LIN28B: variants seen among roughly 807,000 people sequenced by gnomAD.
The protein encoded by LIN28B is protein lin-28 homolog B.
In LIN28B, 5 loss-of-function variants were observed where a neutral mutation model predicts 21.9. The observed-to-expected ratio is 0.23, with a 90% CI of 0.12 to 0.48. The LOEUF (loss-of-function observed/expected upper bound fraction) is 0.48, where lower values mean the gene tolerates loss of function less well. LIN28B is among the 20% of genes least tolerant of loss of function. LIN28B has a pLI of 0.98. For synonymous variants in LIN28B, 109 were observed against 111.3 expected (o/e 0.98, Z 0.13); for missense variants, 245 against 310.5 (o/e 0.79, Z 1.58).
chr6:104,962,820 C>A (rs1769774693), intron 2 of LIN28B, among the ~76,000 whole-genome samples: 1 of 151,932 alleles, frequency 6.6e-6, no homozygotes, highest in Non-Finnish European at 1.5e-5. Flanking sequence ...TATTGTTATT[C>A]TCTGGGCTGC....
upstream of LIN28B, chr6:104,957,106 T>A: frequency 6.4e-7 from 1 of 1,561,954 alleles, no homozygotes. Context: ...GAGAAAAAAA[T>A]CAAAAGAAGG....
At chr6:105,071,164 C>T (rs943145611) in intron 3 of LIN28B, among the ~76,000 whole-genome samples, 13 of 152,088 alleles carry the variant, frequency 8.5e-5, no homozygotes, top group African/African-American at 2.9e-4. Flanking sequence ...AGGCATGAGC[C>T]ACTGCACCCG....
chr6:104,959,186 T>C (rs1378645269), intron 2 of LIN28B, among the ~76,000 whole-genome samples: 2 of 152,202 alleles, frequency 1.3e-5, no homozygotes, highest in African/African-American at 4.8e-5. Flanking sequence ...AAAGATACTT[T>C]TATGGAAGCC....
chr6:105,032,390 G>A (rs1404318737), intron 3 of LIN28B, among the ~76,000 whole-genome samples: 12 of 152,180 alleles, frequency 7.9e-5, no homozygotes, highest in East Asian at 1.9e-4. Context: ...GTGAGAGTTC[G>A]AACTGCCACC....
Position 105,029,886 on chromosome 6 carries a change from A to G in LIN28B, c.383+3404A>G, listed in dbSNP as rs377512557. On this transcript the variant is annotated intron_variant, in intron 3 of 3. Coordinates refer to ENST00000345080, the MANE Select transcript of LIN28B (RefSeq NM_001004317.4). ...ATGGATGATAGAATATAAACTGTAT[A>G]AAGAGTGAAGACATTGAAAAGGTGG... Among the ~76,000 whole-genome samples, 15 of 152,294 alleles carry G rather than the reference A, an allele frequency of 9.8e-5. No homozygotes were observed. In the East Asian group the frequency reaches 2.1e-3, roughly 22 times the overall value.
At chr6:104,982,069 CTT>C (rs1426358145) in intron 2 of LIN28B, among the ~76,000 whole-genome samples, 1 of 152,082 alleles carries the variant, frequency 6.6e-6, no homozygotes, top group African/African-American at 2.4e-5. Flanking sequence ...AATCCCAACA[CTT>C]TGGGAGGCTG....
At chr6:104,970,992 T>C (rs1352898253) in intron 2 of LIN28B, among the ~76,000 whole-genome samples, 1 of 152,184 alleles carries the variant, frequency 6.6e-6, no homozygotes, top group Non-Finnish European at 1.5e-5. Flanking sequence ...CTCTAGTTTA[T>C]TGTGAACCAT....
At chr6:105,045,848 G>A (rs894983281) in intron 3 of LIN28B, among the ~76,000 whole-genome samples, 3 of 152,032 alleles carry the variant, frequency 2.0e-5, no homozygotes, top group Non-Finnish European at 4.4e-5. Context: ...TCAGAACTGT[G>A]AACTTTACCA....
At chr6:104,956,273 G>A (rs1457296715), upstream of LIN28B, among the ~76,000 whole-genome samples, 4 of 152,070 alleles carry the variant, frequency 2.6e-5, no homozygotes, top group African/African-American at 9.6e-5. Flanking sequence ...AGCTCTTGGG[G>A]AACAATCGCC....
Position 104,957,568 on chromosome 6 carries a change from C to T in LIN28B, c.10+308C>T, listed in dbSNP as rs557908719. 1.4e-4 allele frequency among the ~76,000 whole-genome samples: 22 copies of T among 152,148 alleles called. No individual in the cohort carries two copies. The South Asian group carries it at 1.5e-3, about 10-fold the overall frequency. ...TTCCAAGAAAACTTTTATACACCTG[C>T]CCCCTCCCCCATTCCACCCCAACTT... On this transcript the variant is annotated intron_variant, in intron 1 of 3. Transcript: ENST00000345080.
chr6:104,988,900 T>G (rs1317821643), intron 2 of LIN28B, among the ~76,000 whole-genome samples: 1 of 152,112 alleles, frequency 6.6e-6, no homozygotes, highest in Non-Finnish European at 1.5e-5. Flanking sequence ...TTTCTTTTCT[T>G]CCCATGTCAA....
At chr6:105,070,108 C>T (rs529925689) in intron 3 of LIN28B, among the ~76,000 whole-genome samples, 22 of 152,194 alleles carry the variant, frequency 1.4e-4, no homozygotes, top group African/African-American at 4.3e-4. Flanking sequence ...ATTGTCAGTG[C>T]GACACTTGAG....
intron 3 of LIN28B, among the ~76,000 whole-genome samples, chr6:105,043,537 A>T (rs1482365717): frequency 6.7e-6 from 1 of 150,302 alleles, no homozygotes; most frequent in East Asian, 1.9e-4. Flanking sequence ...AAGATTGATA[A>T]TTTTTAACCA....
At chr6:105,018,329 G>A (rs1371953592) in intron 2 of LIN28B, among the ~76,000 whole-genome samples, 3 of 152,000 alleles carry the variant, frequency 2.0e-5, no homozygotes, top group Non-Finnish European at 4.4e-5. Context: ...ACTCTAGCTT[G>A]CATTTTACAA....
chr6:104,972,811 A>G lies in LIN28B; in HGVS notation c.198+14525A>G, dbSNP rs891477788. Among the ~76,000 whole-genome samples, 4 of 152,162 alleles carry G rather than the reference A, an allele frequency of 2.6e-5. No homozygotes were observed. In the East Asian group the frequency reaches 7.7e-4, roughly 29 times the overall value. On this transcript the variant is annotated intron_variant, in intron 2 of 3. Transcript: ENST00000345080. ...TTATATTTAAAAGGATATGATATTTAAAAATCTTAACAAATGAGGCCGGGT... is the reference window on the plus strand; with the variant it reads ...TTATATTTAAAAGGATATGATATTTGAAAATCTTAACAAATGAGGCCGGGT...
At chr6:105,073,893 C>A (rs1237344431) in intron 3 of LIN28B, among the ~76,000 whole-genome samples, 1 of 152,160 alleles carries the variant, frequency 6.6e-6, no homozygotes, top group Non-Finnish European at 1.5e-5. Context: ...TTGCTGATAT[C>A]ATTTGAAAAT....
intron 2 of LIN28B, 60 bp from the exon 3 acceptor site, chr6:105,026,238 A>G: frequency 2.3e-6 from 2 of 872,136 alleles, no homozygotes; most frequent in Non-Finnish European, 3.4e-6. Context: ...GAGATAATTT[A>G]TAAAGCAATG....
At chr6:105,029,267 T>C (rs893579372) in intron 3 of LIN28B, among the ~76,000 whole-genome samples, 10 of 152,196 alleles carry the variant, frequency 6.6e-5, no homozygotes, top group Non-Finnish European at 1.2e-4. Flanking sequence ...GAAGAAATTA[T>C]AGCATGTTTA....
intron 2 of LIN28B, among the ~76,000 whole-genome samples, chr6:104,984,255 AGG>A (rs1770286580): frequency 6.6e-6 from 1 of 152,210 alleles, no homozygotes; most frequent in Non-Finnish European, 1.5e-5. Context: ...TTTTCTCCAG[AGG>A]AATAATTGTG....
Sources: allele counts gnomAD v4.1 joint callset (sites outside exome capture counted in the v4.1 genomes callset), GRCh38; gene constraint gnomAD v4.1.1; transcripts MANE v1.5; gene names NCBI Gene and HGNC (gene_info 2026-07-23, HGNC 2026-07-21).